Variants in LOC114841035 observed in about 807,000 individuals in gnomAD.
At chr11:64,242,761 C>CCCAA in the LOC114841035 span, among the ~76,000 whole-genome samples, 949 of 152,300 alleles carry the variant, frequency 6.2e-3, 14 homozygotes, top group South Asian at 0.044. Flanking sequence ...CTGTGAGCTG[C>CCCAA]CCAAGGCTCT....
the LOC114841035 span, chr11:64,244,060 C>A: frequency 6.2e-7 from 1 of 1,610,756 alleles, no homozygotes; most frequent in Non-Finnish European, 8.5e-7. Flanking sequence ...GGGAGAGGCC[C>A]CCATCAGGGA....
At chr11:64,243,190 G>A in the LOC114841035 span, 1 of 1,613,260 alleles carries the variant, frequency 6.2e-7, no homozygotes, top group Non-Finnish European at 8.5e-7. Flanking sequence ...CCTTCTCATG[G>A]TTCCACAGGG....
At chr11:64,244,092 A>AC in the LOC114841035 span, 1 of 1,556,156 alleles carries the variant, frequency 6.4e-7, no homozygotes. Context: ...CAAAAAAAAA[A>AC]CAAAAAACAA....
the LOC114841035 span, chr11:64,243,932 C>T: frequency 1.2e-6 from 2 of 1,614,022 alleles, no homozygotes; most frequent in Non-Finnish European, 1.7e-6. Flanking sequence ...TCCCTGTGGC[C>T]CTGGTTGGCA....
the LOC114841035 span, chr11:64,242,305 C>T: frequency 3.0e-6 from 4 of 1,351,646 alleles, no homozygotes; most frequent in South Asian, 1.6e-5. Flanking sequence ...CGGTGGAACC[C>T]TCCTGTTACC....
chr11:64,243,299 A>G, the LOC114841035 span: 1 of 1,605,166 alleles, frequency 6.2e-7, no homozygotes. Context: ...GGCTGGGACC[A>G]GGGGCTGCTG....
chr11:64,242,383 G>A, the LOC114841035 span: 4 of 1,520,676 alleles, frequency 2.6e-6, no homozygotes, highest in African/African-American at 5.8e-5. Context: ...TGTGCCCACA[G>A]AGACATGAGG....
the LOC114841035 span, chr11:64,242,702 T>C: frequency 4.4e-6 from 4 of 904,420 alleles, no homozygotes; most frequent in South Asian, 7.9e-5. Context: ...TGGTTCTGCC[T>C]TGCCCTTGCC....
At chr11:64,243,802 T>C in the LOC114841035 span, 2 of 1,613,172 alleles carry the variant, frequency 1.2e-6, no homozygotes, top group African/African-American at 1.3e-5. Flanking sequence ...GGAAGGGAGC[T>C]TGGCCATCAC....
the LOC114841035 span, chr11:64,243,999 G>C: frequency 6.2e-7 from 1 of 1,614,004 alleles, no homozygotes; most frequent in East Asian, 2.2e-5. Flanking sequence ...AGGTGGAGCT[G>C]CTCAAAATAG....
chr11:64,244,082 C>CA, the LOC114841035 span: 143,200 of 1,134,228 alleles, frequency 0.13, 2,163 homozygotes, highest in Non-Finnish European at 0.15. Context: ...CAGACTGTTC[C>CA]AAAAAAAAAA....
chr11:64,242,271 C>T, the LOC114841035 span: 5 of 1,101,416 alleles, frequency 4.5e-6, no homozygotes, highest in Middle Eastern at 5.9e-4. Flanking sequence ...AAGGGGATCC[C>T]CCGGGGCAAG....
chr11:64,244,091 A>C, the LOC114841035 span: 8 of 1,560,082 alleles, frequency 5.1e-6, no homozygotes, highest in East Asian at 4.5e-5. Context: ...CCAAAAAAAA[A>C]ACAAAAAACA....
At chr11:64,242,991 G>C in the LOC114841035 span, among the ~76,000 whole-genome samples, 1 of 152,330 alleles carries the variant, frequency 6.6e-6, no homozygotes, top group African/African-American at 2.4e-5. Flanking sequence ...AGAATTGCTT[G>C]AACCCGGGAG....
chr11:64,243,116 G>A, the LOC114841035 span: 3 of 1,264,476 alleles, frequency 2.4e-6, no homozygotes, highest in Non-Finnish European at 3.5e-6. Flanking sequence ...GCGTGGGGGG[G>A]CAGCTTGATG....
At chr11:64,244,110 C>CA in the LOC114841035 span, 13 of 1,490,832 alleles carry the variant, frequency 8.7e-6, no homozygotes, top group South Asian at 1.2e-5. Flanking sequence ...CAAAAACAAA[C>CA]AAAAAAACAC....
At chr11:64,242,021 A>C in the LOC114841035 span, 1 of 175,934 alleles carries the variant, frequency 5.7e-6, no homozygotes, top group Non-Finnish European at 1.2e-5. Context: ...AGTCGGGGCA[A>C]CTGCAGTGCA....
chr11:64,241,677 G>T, the LOC114841035 span: 1 of 152,346 alleles, frequency 6.6e-6, no homozygotes, highest in Non-Finnish European at 1.5e-5. Context: ...GGCCCCGGGC[G>T]TCCTCGCGGG....
chr11:64,243,773 C>G, the LOC114841035 span: 1 of 1,588,274 alleles, frequency 6.3e-7, no homozygotes, highest in African/African-American at 1.3e-5. Flanking sequence ...GGGCGGAACA[C>G]TCTCCCTTTG....
Sources: allele counts gnomAD v4.1 joint callset (sites outside exome capture counted in the v4.1 genomes callset), GRCh38; gene constraint gnomAD v4.1.1; transcripts MANE v1.5.